LIPF: variants seen among roughly 807,000 people sequenced by gnomAD.
LIPF encodes the protein gastric triacylglycerol lipase.
Under a neutral mutation model 38.0 loss-of-function variants are expected in LIPF, and 25 were observed. That is an observed-to-expected ratio of 0.66 (90% CI 0.48 to 0.92). The LOEUF (loss-of-function observed/expected upper bound fraction) is 0.92. LIPF is among the 40% of genes least tolerant of loss of function. The pLI is 0.00. For synonymous variants in LIPF, 161 were observed against 156.2 expected, an observed-to-expected ratio of 1.03 and a Z score of -0.23; for missense variants, 410 against 469.9, an observed-to-expected ratio of 0.87 and a Z score of 1.18.
chr10:88,676,059 C>T, intron 8 of LIPF, 150 bp from the exon 9 acceptor site: 1 of 561,646 alleles, frequency 1.8e-6, no homozygotes, highest in African/African-American at 1.9e-5. Context: ...ACATAAATAC[C>T]TTGTCCTAGA....
intron 8 of LIPF, 149 bp downstream of exon 8, chr10:88,675,806 A>C: frequency 3.7e-6 from 2 of 538,672 alleles, no homozygotes; most frequent in Non-Finnish European, 6.6e-6. Flanking sequence ...CTATGAATTT[A>C]TTTCAAAGAA....
intron 1 of LIPF, chr10:88,665,419 AAC>A: frequency 1.4e-6 from 1 of 724,040 alleles, no homozygotes. Flanking sequence ...TACCATGTTG[AAC>A]ACACAGTACA....
intron 9 of LIPF, among the ~76,000 whole-genome samples, chr10:88,676,781 T>C (rs889531138): frequency 6.6e-6 from 1 of 152,226 alleles, no homozygotes; most frequent in East Asian, 1.9e-4. Context: ...CAGAGGCCTT[T>C]GGCATAGGCA....
At chr10:88,676,303 T>G in intron 9 of LIPF, 23 bp downstream of exon 9, 8 of 1,440,280 alleles carry the variant, frequency 5.6e-6, no homozygotes, top group Non-Finnish European at 7.7e-6. Flanking sequence ...AAGATGGAAT[T>G]ATTCACATTT....
intron 4 of LIPF, chr10:88,669,008 T>C (rs1476705996): frequency 2.5e-6 from 1 of 399,920 alleles, no homozygotes; most frequent in Non-Finnish European, 4.5e-6. Context: ...ATGAACAATA[T>C]GGCTGAAGCA....
chr10:88,676,578 C>A (rs1407198563), intron 9 of LIPF, among the ~76,000 whole-genome samples: 7 of 152,176 alleles, frequency 4.6e-5, no homozygotes, highest in Non-Finnish European at 1.0e-4. Flanking sequence ...GCACACTGTC[C>A]TCTCCTTTCT....
chr10:88,668,438 T>C, intron 3 of LIPF, 120 bp from the exon 4 acceptor site: 1 of 848,678 alleles, frequency 1.2e-6, no homozygotes, highest in African/African-American at 1.7e-5. Context: ...TATTCAAAAA[T>C]AATCAACTCA....
rs778463298 is a variant in LIPF, at chr10:88,672,017, A to G, written c.669+52A>G. ...ATCTAAGACCCTTGATTGCCCATGG[A>G]TTTTAAAGTTATAGAAAGAGAACAG... On this transcript the variant is annotated intron_variant, in intron 6 of 9. Transcript: ENST00000238983. The G allele has an allele frequency of 3.4e-6, 5 of 1,491,776 alleles. No homozygotes were observed. The South Asian group carries it at 5.1e-5, about 15-fold the overall frequency. 92.4% of individuals were successfully genotyped at this position (1,491,776 alleles called of 1,614,324 possible).
chr10:88,676,636 G>A (rs1297447396), intron 9 of LIPF, among the ~76,000 whole-genome samples: 1 of 152,146 alleles, frequency 6.6e-6, no homozygotes, highest in African/African-American at 2.4e-5. Context: ...AACTGTTCAT[G>A]GAATTTCTGG....
chr10:88,665,449 TGTATGTGTTAATTACTG>T (rs2134630866), intron 1 of LIPF: 1 of 915,290 alleles, frequency 1.1e-6, no homozygotes, highest in Non-Finnish European at 1.7e-6. Flanking sequence ...GTGAGTCCTC[TGTATGTGTTAATTACTG>T]GTATTTTCCT....
rs980615032 is a variant in LIPF, at chr10:88,667,269, G to A, written c.-11-18G>A. On this transcript the variant is annotated intron_variant, in intron 1 of 9. Transcript: ENST00000238983. ...GTATAATGGATTAACCATGGCACGG[G>A]TTATTCTTTTCTTTCAGGCAGGTCC... 1.9e-5 allele frequency: 26 copies of A among 1,388,792 alleles called. No individual in the cohort carries two copies. The highest frequency in any genetic ancestry group is 2.7e-5 in the Non-Finnish European group (26 of 978,036). 86.0% of individuals were successfully genotyped at this position (1,388,792 alleles called of 1,614,324 possible). A position where few individuals can be genotyped will look rare whatever the true frequency, so the allele number is the denominator to read the frequency against.
chr10:88,668,502 A>G, intron 3 of LIPF, 56 bp from the exon 4 acceptor site: 1 of 1,497,758 alleles, frequency 6.7e-7, no homozygotes, highest in Non-Finnish European at 9.2e-7. Context: ...CTAGCCTCAC[A>G]TTTATCCTAG....
At chr10:88,670,034 T>C in intron 5 of LIPF, 88 bp downstream of exon 5, 1 of 755,364 alleles carries the variant, frequency 1.3e-6, no homozygotes, top group Non-Finnish European at 2.3e-6. Context: ...ACCACACTAA[T>C]TGCTTTCCAT....
intron 7 of LIPF, 102 bp downstream of exon 7, chr10:88,673,836 G>C (rs1564960256): frequency 9.3e-6 from 8 of 856,144 alleles, no homozygotes; most frequent in African/African-American, 1.7e-5. Context: ...AGTAGGTTCA[G>C]AACTGCGATA....
chr10:88,672,383 G>C (rs1387739276), intron 6 of LIPF, among the ~76,000 whole-genome samples: 1 of 152,064 alleles, frequency 6.6e-6, no homozygotes, highest in Admixed American at 6.5e-5. Flanking sequence ...GGAGGGAAAG[G>C]GAGAAAAGGA....
intron 1 of LIPF, among the ~76,000 whole-genome samples, chr10:88,665,964 C>T (rs1841506958): frequency 6.6e-6 from 1 of 152,042 alleles, no homozygotes; most frequent in African/African-American, 2.4e-5. Context: ...GCCTCGATCT[C>T]CTGACCTCCT....
intron 1 of LIPF, chr10:88,665,544 T>C (rs890366742): frequency 7.8e-6 from 12 of 1,535,322 alleles, no homozygotes; most frequent in East Asian, 4.9e-5. Context: ...CATTGAGATG[T>C]TCTCCAACGC....
chr10:88,668,524 C>T, intron 3 of LIPF, 34 bp from the exon 4 acceptor site: 1 of 1,577,912 alleles, frequency 6.3e-7, no homozygotes, highest in Non-Finnish European at 8.7e-7. Flanking sequence ...ATAAGGAATA[C>T]ATTTATAAAG....
At chr10:88,670,683 G>GT (rs1221190061) in intron 5 of LIPF, among the ~76,000 whole-genome samples, 3 of 152,188 alleles carry the variant, frequency 2.0e-5, no homozygotes, top group African/African-American at 4.8e-5. Context: ...GACAGAGAGA[G>GT]TGAGAGATGA....
Sources: gnomAD v4.1 joint callset for allele counts (sites outside exome capture counted in the v4.1 genomes callset) on GRCh38, gnomAD v4.1.1 for gene constraint, MANE v1.5 for transcripts, NCBI Gene and HGNC (gene_info 2026-07-23, HGNC 2026-07-21) for gene names.